The following PNPLA3 variants were observed in gnomAD, a reference collection of about 807,000 sequenced individuals.
PNPLA3 encodes 1-acylglycerol-3-phosphate O-acyltransferase PNPLA3.
PNPLA3 carries 42 observed loss-of-function variants against 43.1 expected under a neutral mutation model. The ratio of observed to expected loss-of-function variants is 0.97; its 90% confidence interval spans 0.76 to 1.26. The LOEUF is 1.26. PNPLA3 is among the 50% of genes most tolerant of loss of function. The pLI, the probability that PNPLA3 is intolerant of heterozygous loss-of-function variation, is 0.00. For synonymous variants in PNPLA3, 272 were observed against 253.6 expected, an observed-to-expected ratio of 1.07 and a Z score of -0.69; for missense variants, 647 against 621.4, an observed-to-expected ratio of 1.04 and a Z score of -0.44.
chr22:43,944,143 C>A (rs1008996411), intron 7 of PNPLA3, among the ~76,000 whole-genome samples: 4 of 152,128 alleles, frequency 2.6e-5, no homozygotes, highest in Non-Finnish European at 5.9e-5. Context: ...TTCTCTCCCT[C>A]GCCTTCCTAG....
chr22:43,936,952 C>A, intron 5 of PNPLA3, 99 bp from the exon 6 acceptor site: 1 of 946,078 alleles, frequency 1.1e-6, no homozygotes, highest in Non-Finnish European at 1.6e-6. Flanking sequence ...TGGCTAATAA[C>A]AGGCCAGCTG....
chr22:43,937,500 G>C (rs761574116), intron 6 of PNPLA3, among the ~76,000 whole-genome samples: 4 of 152,100 alleles, frequency 2.6e-5, no homozygotes, highest in Admixed American at 1.3e-4. Context: ...ATGGGGTCAT[G>C]ACCAGGAGGA....
intron 5 of PNPLA3, among the ~76,000 whole-genome samples, chr22:43,936,623 G>A (rs1434964269): frequency 1.3e-5 from 2 of 152,200 alleles, no homozygotes; most frequent in Non-Finnish European, 2.9e-5. Context: ...TGGCTGCGTG[G>A]CTTTAGACAA....
intron 2 of PNPLA3, among the ~76,000 whole-genome samples, chr22:43,928,610 G>T (rs1375756317): frequency 6.6e-6 from 1 of 151,414 alleles, no homozygotes; most frequent in Non-Finnish European, 1.5e-5. Flanking sequence ...CACTGACAGG[G>T]TTGTTAAGGG....
intron 7 of PNPLA3, among the ~76,000 whole-genome samples, chr22:43,940,724 G>A (rs964583358): frequency 6.6e-6 from 1 of 152,224 alleles, no homozygotes; most frequent in Non-Finnish European, 1.5e-5. Context: ...CAGAAGAATC[G>A]CTTGAGCCTG....
At chr22:43,941,658 G>T (rs1002494726) in intron 7 of PNPLA3, among the ~76,000 whole-genome samples, 1 of 152,152 alleles carries the variant, frequency 6.6e-6, no homozygotes, top group African/African-American at 2.4e-5. Flanking sequence ...ATTAGGCCAG[G>T]GCACTGCAAT....
intron 7 of PNPLA3, among the ~76,000 whole-genome samples, chr22:43,943,988 A>C (rs947842579): frequency 8.6e-5 from 13 of 151,994 alleles, no homozygotes; most frequent in Non-Finnish European, 1.6e-4. Context: ...GGGGTTTGGC[A>C]TGTTGGCCAG....
chr22:43,944,011 C>G lies in PNPLA3; in HGVS notation c.1113-680C>G, dbSNP rs1046283475. The stretch of plus-strand genomic sequence containing the variant: ...GCATGTTGGCCAGCCTGGTCTCAAA[C>G]TCCTGACCTCCTGACCTGCCTGCCT... On this transcript the variant is annotated intron_variant, in intron 7 of 8. Transcript: ENST00000216180. Among the ~76,000 whole-genome samples the G allele has an allele frequency of 2.6e-5, 4 of 152,192 alleles. No individual in the cohort carries two copies. In the East Asian group the frequency reaches 7.7e-4, roughly 29 times the overall value.
chr22:43,924,256 T>A lies in PNPLA3; in HGVS notation c.187+158T>A. ...GAGGGCCCCCTCCGAGGCAGATGCT[T>A]CCTGCGGGGGCGCTGTTCCTGGGCC... is the stretch of plus-strand genomic sequence containing the variant. On this transcript the variant is annotated intron_variant, in intron 1 of 8. Coordinates refer to ENST00000216180, the MANE Select transcript of PNPLA3 (RefSeq NM_025225.3). The A allele has an allele frequency of 3.4e-6, 3 of 889,168 alleles. No homozygotes were observed. In the South Asian group the frequency reaches 6.6e-5, roughly 20 times the overall value. The allele number at this position is 889,168 out of a possible 1,614,324, so 55.1% of individuals were successfully genotyped here. A position where few individuals can be genotyped will look rare whatever the true frequency, so the allele number is the denominator to read the frequency against.
Position 43,946,220 on chromosome 22 carries a change from G to T in PNPLA3, c.1284G>T (p.Trp428Cys), listed in dbSNP as rs780726605. 1 of 1,614,164 alleles carries T rather than the reference G, an allele frequency of 6.2e-7. No individual in the cohort carries two copies. Among genetic ancestry groups the T allele is most frequent in the South Asian group, 1.1e-5 (1 of 91,078 alleles). Residue 428 changes from tryptophan (W) to cysteine (C), a missense_variant, in exon 9 of 9, where the codon TGG (tryptophan) becomes TGT (cysteine). By Grantham distance (215) the Trp-to-Cys change is radical. Coordinates refer to ENST00000216180, the MANE Select transcript of PNPLA3 (RefSeq NM_025225.3). ...PCTPEQDWPC[W>C]TPCSPKGCPA... ...CACCTGAGCAGGACTGGCCCTGCTG[G>T]ACTCCCTGCTCCCCCAAGGGCTGTC...
chr22:43,925,706 C>G (rs73888496), intron 1 of PNPLA3, among the ~76,000 whole-genome samples: 1,608 of 152,208 alleles, frequency 0.011, 45 homozygotes, highest in African/African-American at 0.037. Flanking sequence ...GCAAAGGGCA[C>G]GAAATGTGGC....
chr22:43,934,133 A>G (rs1320030973), intron 4 of PNPLA3, among the ~76,000 whole-genome samples: 1 of 151,926 alleles, frequency 6.6e-6, no homozygotes, highest in Non-Finnish European at 1.5e-5. Context: ...CCTGGCCAAC[A>G]TGGTGAAACC....
At chr22:43,924,959 C>G (rs1041371839) in intron 1 of PNPLA3, among the ~76,000 whole-genome samples, 2 of 152,136 alleles carry the variant, frequency 1.3e-5, no homozygotes, top group African/African-American at 4.8e-5. Context: ...CCTACGCTCT[C>G]TGGGTCGCAG....
chr22:43,936,081 T>A (rs909227540), intron 5 of PNPLA3, among the ~76,000 whole-genome samples: 1 of 152,074 alleles, frequency 6.6e-6, no homozygotes, highest in Non-Finnish European at 1.5e-5. Flanking sequence ...GCTTTAGCAG[T>A]TGGGCAAGGG....
At chr22:43,934,271 C>T (rs1033645765) in intron 4 of PNPLA3, among the ~76,000 whole-genome samples, 2 of 148,006 alleles carry the variant, frequency 1.4e-5, no homozygotes, top group African/African-American at 5.0e-5. Flanking sequence ...TAGCCGAGAT[C>T]ACGCCACTGC....
chr22:43,935,395 T>C (rs1437191844), intron 5 of PNPLA3, among the ~76,000 whole-genome samples: 1 of 151,962 alleles, frequency 6.6e-6, no homozygotes, highest in African/African-American at 2.4e-5. Flanking sequence ...GTGAGAGAAG[T>C]GAGCAGATAA....
At chr22:43,945,678 G>A (rs1377437095) in intron 8 of PNPLA3, among the ~76,000 whole-genome samples, 2 of 152,130 alleles carry the variant, frequency 1.3e-5, no homozygotes, top group African/African-American at 4.8e-5. Context: ...CTGGGCCCTG[G>A]CTGGCAGCAG....
Position 43,946,541 on chromosome 22 carries a change from C to T in PNPLA3, c.*159C>T. Reference sequence around the variant, plus strand: ...GGTTTTATGAAAAGCTAGGAAGCAACCTTTCGCCTGTGCAGCGGTCCAGCA... The same window carrying T: ...GGTTTTATGAAAAGCTAGGAAGCAATCTTTCGCCTGTGCAGCGGTCCAGCA... On this transcript the variant is annotated 3_prime_UTR_variant, in exon 9 of 9. Coordinates refer to ENST00000216180, the MANE Select transcript of PNPLA3 (RefSeq NM_025225.3). The T allele has an allele frequency of 1.3e-6, 1 of 747,592 alleles. No homozygotes were observed. The highest frequency in any genetic ancestry group is 2.3e-6 in the Non-Finnish European group (1 of 426,998). 46.3% of individuals were successfully genotyped at this position (747,592 alleles called of 1,614,324 possible).
At chr22:43,938,175 G>T (rs915898503) in intron 6 of PNPLA3, among the ~76,000 whole-genome samples, 5 of 152,160 alleles carry the variant, frequency 3.3e-5, no homozygotes, top group African/African-American at 9.7e-5. Flanking sequence ...TCAGTTGGTG[G>T]CATTTTGTTA....
Sources: gnomAD v4.1 joint callset for allele counts (sites outside exome capture counted in the v4.1 genomes callset) on GRCh38, gnomAD v4.1.1 for gene constraint, MANE v1.5 for transcripts, NCBI Gene and HGNC (gene_info 2026-07-23, HGNC 2026-07-21) for gene names.